The following PCDHGA9 variants were observed in gnomAD, a reference collection of about 807,000 sequenced individuals.
PCDHGA9 encodes the protein protocadherin gamma-A9.
Under a neutral mutation model 62.5 loss-of-function variants are expected in PCDHGA9, and 37 were observed. The ratio of observed to expected loss-of-function variants is 0.59; its 90% CI spans 0.46 to 0.78. The LOEUF (loss-of-function observed/expected upper bound fraction) is 0.78. PCDHGA9 is among the 30% of genes least tolerant of loss of function. The pLI is 0.00. For synonymous variants in PCDHGA9, 459 were observed against 484.6 expected (o/e 0.95, Z 0.69); for missense variants, 1,138 against 1,166.2 (o/e 0.98, Z 0.35).
At chr5:141,418,630 A>G in intron 1 of PCDHGA9, 1 of 1,614,046 alleles carries the variant, frequency 6.2e-7, no homozygotes, top group Non-Finnish European at 8.5e-7. Context: ...ACGTGCCTCC[A>G]GGCACCTCCA....
At chr5:141,469,948 T>C (rs1258593339) in intron 1 of PCDHGA9, among the ~76,000 whole-genome samples, 2 of 152,110 alleles carry the variant, frequency 1.3e-5, no homozygotes, top group Admixed American at 1.3e-4. Flanking sequence ...CTGGCCAGCA[T>C]GGTGAAACCC....
intron 1 of PCDHGA9, chr5:141,419,497 G>T (rs1357823931): frequency 9.9e-6 from 16 of 1,612,390 alleles, no homozygotes; most frequent in Non-Finnish European, 1.4e-5. Context: ...GCGCCAATGT[G>T]AGCCTGCGCG....
At chr5:141,502,483 G>A (rs773081419) in intron 2 of PCDHGA9, among the ~76,000 whole-genome samples, 42 of 152,144 alleles carry the variant, frequency 2.8e-4, no homozygotes, top group Non-Finnish European at 4.7e-4. Context: ...GCATCACACT[G>A]GGACTCATCT....
chr5:141,435,733 T>C (rs950139563), intron 1 of PCDHGA9, among the ~76,000 whole-genome samples: 12 of 152,208 alleles, frequency 7.9e-5, no homozygotes, highest in African/African-American at 2.7e-4. Context: ...AGTGTATTAC[T>C]CTTTGAAAAG....
At chr5:141,450,608 T>A (rs916441293) in intron 1 of PCDHGA9, among the ~76,000 whole-genome samples, 1 of 151,894 alleles carries the variant, frequency 6.6e-6, no homozygotes, top group East Asian at 1.9e-4. Flanking sequence ...TGCCTCAGCC[T>A]CCTGAGTAGC....
chr5:141,409,480 C>G, intron 1 of PCDHGA9: 1 of 1,614,002 alleles, frequency 6.2e-7, no homozygotes, highest in Non-Finnish European at 8.5e-7. Context: ...TAGCCACTGA[C>G]AGGGGCAAGC....
chr5:141,489,238 G>A lies in PCDHGA9; in HGVS notation c.2425-5569G>A. On this transcript the variant is annotated intron_variant, in intron 1 of 3. Coordinates refer to ENST00000573521, the MANE Select transcript of PCDHGA9 (RefSeq NM_018921.3). The surrounding 1 kb of genome is among the most constrained non-coding windows in gnomAD (Gnocchi z 4.5). ...TTACTCTCCACAAAGGGACTTCTGG[G>A]TCATGGGGCCCAAGACACTCCCACA... 6.5e-7 allele frequency: 1 copy of A among 1,534,146 alleles called. No homozygotes were observed.
chr5:141,502,098 G>T (rs1341016516), intron 2 of PCDHGA9, among the ~76,000 whole-genome samples: 2 of 152,108 alleles, frequency 1.3e-5, no homozygotes, highest in Non-Finnish European at 2.9e-5. Flanking sequence ...ACCTGGCCTT[G>T]ACCCTGCACC....
At chr5:141,420,061 G>A (rs376044810) in intron 1 of PCDHGA9, 3 of 1,613,958 alleles carry the variant, frequency 1.9e-6, no homozygotes, top group Non-Finnish European at 2.5e-6. Flanking sequence ...TCTGCTCCAA[G>A]TCCGGACCTG....
chr5:141,466,344 T>G (rs1036472951), intron 1 of PCDHGA9, among the ~76,000 whole-genome samples: 5 of 152,106 alleles, frequency 3.3e-5, no homozygotes, highest in African/African-American at 4.8e-5. Flanking sequence ...ATAATTTTTT[T>G]GCAGCTAATC....
chr5:141,486,150 G>T lies in PCDHGA9; in HGVS notation c.2425-8657G>T. The T allele has an allele frequency of 6.2e-7, 1 of 1,614,180 alleles. No individual in the cohort carries two copies. The highest frequency in any genetic ancestry group is 8.5e-7 in the Non-Finnish European group (1 of 1,180,030). On this transcript the variant is annotated intron_variant, in intron 1 of 3. Transcript: ENST00000573521. This position sits in a 1 kb window ranked among gnomAD's most constrained non-coding sequence, Gnocchi z 5.0. The stretch of plus-strand genomic sequence containing the variant: ...TTTGATGTGCGGGCTCGCGATGGGG[G>T]TTCTCCAGCCATGGAGCAACATTGC...
intron 1 of PCDHGA9, among the ~76,000 whole-genome samples, chr5:141,406,290 G>A (rs2094788974): frequency 6.6e-6 from 1 of 151,998 alleles, no homozygotes; most frequent in Non-Finnish European, 1.5e-5. Flanking sequence ...AAAGCACTGG[G>A]TGAGGTGTGA....
At chr5:141,501,901 C>T (rs1595767273) in intron 2 of PCDHGA9, among the ~76,000 whole-genome samples, 1 of 152,070 alleles carries the variant, frequency 6.6e-6, no homozygotes, top group Non-Finnish European at 1.5e-5. Context: ...TGGTTCCAAC[C>T]CCACTGTTCC....
At chr5:141,423,033 C>A (rs2096701827) in intron 1 of PCDHGA9, 2 of 1,614,102 alleles carry the variant, frequency 1.2e-6, no homozygotes, top group Non-Finnish European at 1.7e-6. Flanking sequence ...CAGGCCAGAA[C>A]GCCTGGCTGT....
chr5:141,503,440 C>A (rs1185892958), intron 2 of PCDHGA9, among the ~76,000 whole-genome samples: 2 of 151,694 alleles, frequency 1.3e-5, no homozygotes, highest in African/African-American at 4.8e-5. Context: ...ACTAAAAATA[C>A]AAAAATTCGC....
chr5:141,423,332 C>G, intron 1 of PCDHGA9: 2 of 1,614,198 alleles, frequency 1.2e-6, no homozygotes, highest in Non-Finnish European at 1.7e-6. Flanking sequence ...GCCGCAGTCT[C>G]CTGCATCTTC....
chr5:141,441,700 T>TCAAG (rs1409793305), intron 1 of PCDHGA9: 1 of 308,660 alleles, frequency 3.2e-6, no homozygotes, highest in African/African-American at 2.3e-5. Context: ...CCGCGAGCCT[T>TCAAG]CAAGCTCACG....
At chr5:141,437,460 T>C (rs2097886220) in intron 1 of PCDHGA9, among the ~76,000 whole-genome samples, 1 of 152,230 alleles carries the variant, frequency 6.6e-6, no homozygotes, top group South Asian at 2.1e-4. Flanking sequence ...GAGACTATAC[T>C]ATACTTTTAT....
chr5:141,484,699 T>A (rs899065665), intron 1 of PCDHGA9, among the ~76,000 whole-genome samples: 4 of 151,966 alleles, frequency 2.6e-5, no homozygotes, highest in African/African-American at 9.7e-5. Flanking sequence ...GCTGTGGCTG[T>A]TTTCCCCGCC....
Sources: allele counts gnomAD v4.1 joint callset (sites outside exome capture counted in the v4.1 genomes callset), GRCh38; gene constraint gnomAD v4.1.1; non-coding constraint Gnocchi (gnomAD v3.1); transcripts MANE v1.5; gene names NCBI Gene and HGNC (gene_info 2026-07-23, HGNC 2026-07-21).